PMVK: variants seen among roughly 807,000 people sequenced by gnomAD.
PMVK encodes phosphomevalonate kinase.
Under a neutral mutation model 19.0 loss-of-function variants are expected in PMVK, and 10 were observed. The ratio of observed to expected loss-of-function variants is 0.53; its 90% CI spans 0.32 to 0.89. PMVK has a LOEUF of 0.89. PMVK is among the 40% of genes least tolerant of loss of function. The probability of loss-of-function intolerance (pLI) is 0.03; values close to 1 mark genes in which losing one functional copy is unlikely to be tolerated. For synonymous variants in PMVK, 108 were observed against 101.6 expected, an observed-to-expected ratio of 1.06 and a Z score of -0.38; for missense variants, 222 against 251.1, an observed-to-expected ratio of 0.88 and a Z score of 0.78.
upstream of PMVK, among the ~76,000 whole-genome samples, chr1:154,939,172 C>T (rs1403983394): frequency 6.6e-6 from 1 of 152,148 alleles, no homozygotes; most frequent in Non-Finnish European, 1.5e-5. Flanking sequence ...AGCCTTTTCC[C>T]CCCTCTCCTC....
At chr1:154,936,238 C>T (rs1654500075) in intron 1 of PMVK, among the ~76,000 whole-genome samples, 1 of 152,048 alleles carries the variant, frequency 6.6e-6, no homozygotes. Flanking sequence ...CGCGTCACCA[C>T]GCCCAGCTAC....
chr1:154,936,682 C>T lies in PMVK; in HGVS notation c.4G>A (p.Ala2Thr), dbSNP rs760515207. M[A>T]PLGGAPRLVL... is the part of the protein sequence containing the mutation. ...AGCCGCGGGGCGCCTCCCAGCGGGG[C>T]CATGGGGCCGCCACGCCTCGCGATG... The change falls in exon 1 of 5, where the codon GCC becomes ACC. Residue 2 changes from alanine (A) to threonine (T), a missense_variant. By Grantham distance (58) the Ala-to-Thr change is moderately conservative. Coordinates refer to ENST00000368467, the MANE Select transcript of PMVK (RefSeq NM_006556.4). 5 of 1,603,818 alleles carry T rather than the reference C, an allele frequency of 3.1e-6. No homozygotes were observed. The highest frequency in any genetic ancestry group is 4.5e-5 in the East Asian group (2 of 44,580).
upstream of PMVK, among the ~76,000 whole-genome samples, chr1:154,941,247 C>T (rs34195153): frequency 6.6e-6 from 1 of 152,168 alleles, no homozygotes; most frequent in Non-Finnish European, 1.5e-5. Context: ...AAGGGGTTCA[C>T]TGTTGTTCTC....
intron 2 of PMVK, among the ~76,000 whole-genome samples, chr1:154,931,596 G>A (rs1558031415): frequency 6.6e-6 from 1 of 152,108 alleles, no homozygotes; most frequent in Non-Finnish European, 1.5e-5. Context: ...CACATCCCAG[G>A]CACCTGAAAC....
intron 4 of PMVK, 110 bp from the exon 5 acceptor site, chr1:154,925,375 C>A (rs188914630): frequency 8.2e-7 from 1 of 1,219,058 alleles, no homozygotes; most frequent in African/African-American, 1.5e-5. Flanking sequence ...CCTCTGCTAC[C>A]CTAGAGCCAA....
intron 1 of PMVK, among the ~76,000 whole-genome samples, chr1:154,934,446 A>T (rs1654439102): frequency 6.6e-6 from 1 of 152,138 alleles, no homozygotes; most frequent in Admixed American, 6.5e-5. Context: ...CCTCCTGAGT[A>T]TCTGGGATTA....
intron 1 of PMVK, among the ~76,000 whole-genome samples, chr1:154,932,918 C>T (rs1363792057): frequency 6.6e-6 from 1 of 151,664 alleles, no homozygotes; most frequent in South Asian, 2.1e-4. Flanking sequence ...CTGGGCAACA[C>T]AATAAGACCC....
intron 1 of PMVK, chr1:154,936,323 T>C: frequency 2.0e-5 from 18 of 889,750 alleles, no homozygotes; most frequent in Non-Finnish European, 2.4e-5. Flanking sequence ...ATATAGAAAG[T>C]GCCTTCGTAG....
At chr1:154,941,682 A>G (rs561588095), upstream of PMVK, among the ~76,000 whole-genome samples, 1 of 152,292 alleles carries the variant, frequency 6.6e-6, no homozygotes, top group African/African-American at 2.4e-5. Flanking sequence ...ACCTTCCAGA[A>G]GCCAATAGGG....
chr1:154,933,803 C>T (rs1479208008), intron 1 of PMVK, among the ~76,000 whole-genome samples: 1 of 151,266 alleles, frequency 6.6e-6, no homozygotes, highest in Non-Finnish European at 1.5e-5. Flanking sequence ...TTCTTTTTTT[C>T]TCTTTTTTGA....
At chr1:154,931,768 C>CTT (rs112361150) in intron 2 of PMVK, among the ~76,000 whole-genome samples, 7 of 136,028 alleles carry the variant, frequency 5.1e-5, no homozygotes, top group African/African-American at 1.6e-4. Flanking sequence ...TTGGTATTGG[C>CTT]TTTTTTTTTT....
chr1:154,925,434 G>A (rs1040766112), intron 4 of PMVK, among the ~76,000 whole-genome samples, 169 bp from the exon 5 acceptor site: 4 of 152,098 alleles, frequency 2.6e-5, no homozygotes, highest in Middle Eastern at 3.2e-3. Flanking sequence ...CACTGTGATG[G>A]CAGGTTCAGT....
intron 2 of PMVK, 123 bp from the exon 3 acceptor site, chr1:154,929,299 A>G (rs61811889): frequency 1.4e-5 from 12 of 858,846 alleles, no homozygotes; most frequent in Non-Finnish European, 2.2e-5. Flanking sequence ...AGGATTAATG[A>G]GGTTTCAGCC....
intron 1 of PMVK, among the ~76,000 whole-genome samples, chr1:154,935,213 T>C (rs1571385737): frequency 6.6e-6 from 1 of 152,210 alleles, no homozygotes; most frequent in African/African-American, 2.4e-5. Context: ...CGTCAGGGTT[T>C]GGAGGTGAGG....
intron 3 of PMVK, among the ~76,000 whole-genome samples, chr1:154,927,362 C>T (rs1167225340): frequency 6.8e-6 from 1 of 147,300 alleles, no homozygotes; most frequent in Non-Finnish European, 1.5e-5. Context: ...GCACAAGAAT[C>T]GCTTAAACCC....
chr1:154,942,544 T>C, the PMVK span, among the ~76,000 whole-genome samples: 1 of 152,248 alleles, frequency 6.6e-6, no homozygotes, highest in Non-Finnish European at 1.5e-5. Context: ...GAGCAGCCAA[T>C]GTCACTGGCA....
intron 1 of PMVK, among the ~76,000 whole-genome samples, chr1:154,933,728 G>C (rs1411103583): frequency 6.6e-6 from 1 of 151,484 alleles, no homozygotes; most frequent in Non-Finnish European, 1.5e-5. Flanking sequence ...TCCTGATCTC[G>C]TGATCCGCCC....
intron 2 of PMVK, among the ~76,000 whole-genome samples, chr1:154,930,493 T>C: frequency 6.6e-6 from 1 of 151,816 alleles, no homozygotes; most frequent in East Asian, 1.9e-4. Context: ...TAAATAAAAA[T>C]GCAAACTCCT....
At chr1:154,934,218 C>T (rs1276377272) in intron 1 of PMVK, among the ~76,000 whole-genome samples, 1 of 152,180 alleles carries the variant, frequency 6.6e-6, no homozygotes, top group Non-Finnish European at 1.5e-5. Flanking sequence ...AGGCTGGTCT[C>T]GAACTCCTGA....
Sources: gnomAD v4.1 joint callset for allele counts (sites outside exome capture counted in the v4.1 genomes callset) on GRCh38, gnomAD v4.1.1 for gene constraint, MANE v1.5 for transcripts, NCBI Gene and HGNC (gene_info 2026-07-23, HGNC 2026-07-21) for gene names.